GLYR1: variants seen among roughly 807,000 people sequenced by gnomAD.
GLYR1 encodes cytokine-like nuclear factor N-PAC.
GLYR1 carries 21 observed loss-of-function variants against 72.7 expected under a neutral mutation model. The ratio of observed to expected loss-of-function variants is 0.29; its 90% CI spans 0.20 to 0.42. The LOEUF is 0.42. Ranked by LOEUF, GLYR1 falls within the 10% of genes least tolerant of loss-of-function variation. The probability of loss-of-function intolerance (pLI) is 1.00; values close to 1 mark genes in which losing one functional copy is unlikely to be tolerated. For missense variants in GLYR1, 594 were observed against 712.1 expected (o/e 0.83, Z 1.89); for synonymous variants, 392 against 270.2 (o/e 1.45, Z -4.42).
At chr16:4,819,586 C>T (rs1356629861) in intron 9 of GLYR1, among the ~76,000 whole-genome samples, 2 of 152,140 alleles carry the variant, frequency 1.3e-5, no homozygotes, top group East Asian at 1.9e-4. Context: ...GTGGGGATTA[C>T]AAGGATGAGC....
At chr16:4,836,729 T>A (rs530180989) in intron 3 of GLYR1, among the ~76,000 whole-genome samples, 1 of 151,926 alleles carries the variant, frequency 6.6e-6, no homozygotes, top group South Asian at 2.1e-4. Flanking sequence ...CTGGTCTAAC[T>A]GGGTGGCTGT....
At chr16:4,823,713 T>C in intron 6 of GLYR1, 108 bp downstream of exon 6, 1 of 816,610 alleles carries the variant, frequency 1.2e-6, no homozygotes, top group Non-Finnish European at 1.9e-6. Flanking sequence ...TTTGTAATAA[T>C]AAATTAAGCC....
intron 3 of GLYR1, among the ~76,000 whole-genome samples, chr16:4,834,704 G>C (rs141308569): frequency 2.2e-3 from 327 of 152,000 alleles, no homozygotes; most frequent in African/African-American, 7.6e-3. Context: ...GGCCTCCAGT[G>C]ATCCACCTGC....
At chr16:4,810,409 C>T (rs114552599) in intron 15 of GLYR1, among the ~76,000 whole-genome samples, 7 of 151,584 alleles carry the variant, frequency 4.6e-5, no homozygotes, top group Non-Finnish European at 8.8e-5. Flanking sequence ...ACTTGGGAGG[C>T]AGAGGCACAA....
rs972760905 is a variant in GLYR1, at chr16:4,803,615, T to TCACA, written c.*1620_*1621insTGTG. 6.7e-6 allele frequency: 1 copy of TCACA among 148,618 alleles called. No homozygotes were observed. Among genetic ancestry groups the TCACA allele is most frequent in the African/African-American group, 2.5e-5 (1 of 40,274 alleles). The allele number at this position is 148,618 out of a possible 1,614,324, so 9.2% of individuals were successfully genotyped here. A position where few individuals can be genotyped will look rare whatever the true frequency, so the allele number is the denominator to read the frequency against. On this transcript the variant is annotated 3_prime_UTR_variant, in exon 16 of 16. Coordinates refer to ENST00000321919, the MANE Select transcript of GLYR1 (RefSeq NM_032569.4). ...TGTTCCGCCAGGACTAGAACAGGCT[T>TCACA]TGTGTTCAGACAGAAATGCTTCAAA... is the stretch of plus-strand genomic sequence containing the variant.
chr16:4,842,985 C>G (rs142255076), intron 3 of GLYR1, among the ~76,000 whole-genome samples: 18 of 152,086 alleles, frequency 1.2e-4, no homozygotes, highest in African/African-American at 4.1e-4. Flanking sequence ...CAGGCATGAG[C>G]CACCATGCCC....
chr16:4,812,967 T>A (rs1443201063), intron 12 of GLYR1, among the ~76,000 whole-genome samples: 2 of 150,874 alleles, frequency 1.3e-5, no homozygotes, highest in African/African-American at 4.9e-5. Context: ...TGGCTAATTT[T>A]TTTTTTTTTT....
intron 3 of GLYR1, among the ~76,000 whole-genome samples, chr16:4,835,713 C>G (rs900868318): frequency 6.6e-6 from 1 of 152,156 alleles, no homozygotes; most frequent in Non-Finnish European, 1.5e-5. Flanking sequence ...CAGCTGTAAT[C>G]CCAGCTACTC....
chr16:4,818,319 G>C (rs536508657), intron 9 of GLYR1, among the ~76,000 whole-genome samples: 2 of 152,070 alleles, frequency 1.3e-5, no homozygotes, highest in African/African-American at 4.8e-5. Context: ...TTTTGAGATA[G>C]TGTCTTGTTC....
chr16:4,845,199 C>T, intron 2 of GLYR1, 46 bp from the exon 3 acceptor site: 1 of 1,398,850 alleles, frequency 7.1e-7, no homozygotes, highest in Non-Finnish European at 1.0e-6. Flanking sequence ...AACACAGCAG[C>T]CCACTTTCTA....
Position 4,847,092 on chromosome 16 carries a change from A to G in GLYR1, c.38+136T>C, listed in dbSNP as rs957747564. On this transcript the variant is annotated intron_variant, in intron 1 of 15. Coordinates refer to ENST00000321919, the MANE Select transcript of GLYR1 (RefSeq NM_032569.4). ...CCCCTTCCGCCTGGCGCCGCTCGCA[A>G]GCGCCGGCACCTTCTCTTCCCCTCT... The G allele has an allele frequency of 1.6e-5, 13 of 814,872 alleles. No homozygotes were observed. The Admixed American group carries it at 2.4e-4, about 15-fold the overall frequency. 50.5% of individuals were successfully genotyped at this position (814,872 alleles called of 1,614,324 possible).
intron 3 of GLYR1, among the ~76,000 whole-genome samples, chr16:4,835,445 T>C (rs752898534): frequency 1.2e-4 from 19 of 152,224 alleles, no homozygotes; most frequent in Admixed American, 2.6e-4. Flanking sequence ...ACTGACAGTA[T>C]GAATAGGATG....
intron 3 of GLYR1, among the ~76,000 whole-genome samples, chr16:4,841,747 G>A (rs1037589743): frequency 1.3e-5 from 2 of 152,282 alleles, no homozygotes; most frequent in African/African-American, 4.8e-5. Flanking sequence ...TCAGACTTGT[G>A]TAATTATTCA....
intron 5 of GLYR1, among the ~76,000 whole-genome samples, chr16:4,825,209 C>G (rs779269517): frequency 5.9e-5 from 9 of 152,216 alleles, no homozygotes; most frequent in Non-Finnish European, 1.2e-4. Context: ...AGTAAAGCTA[C>G]GGGCTTCATG....
chr16:4,844,850 G>A (rs1445267363), intron 3 of GLYR1, among the ~76,000 whole-genome samples: 6 of 152,234 alleles, frequency 3.9e-5, no homozygotes, highest in African/African-American at 1.4e-4. Context: ...GAAGGTAAAT[G>A]AACCTAGTTC....
intron 12 of GLYR1, among the ~76,000 whole-genome samples, chr16:4,812,517 T>C (rs914740870): frequency 6.7e-6 from 1 of 149,612 alleles, no homozygotes; most frequent in African/African-American, 2.5e-5. Flanking sequence ...TTTTTTGAGG[T>C]GGAGTCTCGC....
At chr16:4,815,697 A>G (rs1352750485) in intron 10 of GLYR1, among the ~76,000 whole-genome samples, 1 of 152,232 alleles carries the variant, frequency 6.6e-6, no homozygotes, top group Non-Finnish European at 1.5e-5. Context: ...AGTACCAAGT[A>G]TGTAATTTAA....
intron 7 of GLYR1, among the ~76,000 whole-genome samples, chr16:4,822,146 G>T (rs1233871816): frequency 6.6e-6 from 1 of 151,066 alleles, no homozygotes; most frequent in East Asian, 1.9e-4. Flanking sequence ...GAGTGCAGTG[G>T]CACCATCTCG....
At chr16:4,818,676 A>T (rs17137298) in intron 9 of GLYR1, among the ~76,000 whole-genome samples, 9,566 of 152,206 alleles carry the variant, frequency 0.063, 298 homozygotes, top group African/African-American at 0.085. Context: ...ATGAACCAGG[A>T]CGGCAATTTT....
Sources: allele counts gnomAD v4.1 joint callset (sites outside exome capture counted in the v4.1 genomes callset), GRCh38; gene constraint gnomAD v4.1.1; transcripts MANE v1.5; gene names NCBI Gene and HGNC (gene_info 2026-07-23, HGNC 2026-07-21).